Variants in OR3A3 observed in about 807,000 individuals in gnomAD.
OR3A3 encodes the protein olfactory receptor 3A3.
For synonymous variants in OR3A3, 103 were observed against 163.9 expected (o/e 0.63, Z 2.84); for missense variants, 275 against 391.4 (o/e 0.70, Z 2.51).
At chr17:3,421,498 T>C (rs754804916) in exon 3 of OR3A3, 1 of 1,542,006 alleles carries the variant, frequency 6.5e-7, no homozygotes, top group East Asian at 2.3e-5. Context: ...GGGCGCTCTG[T>C]GTCAGCTACT....
Position 3,421,692 on chromosome 17 carries a change from T to C in OR3A3, c.*159T>C, listed in dbSNP as rs941968725. On this transcript the variant is annotated 3_prime_UTR_variant, in exon 3 of 3. Coordinates refer to ENST00000641141, the Ensembl canonical transcript of OR3A3. ...AGGAAACCCTATATAATTCATTCATTTATTCATTCAACAAATATTTATTAA... is the reference window on the plus strand; with the variant it reads ...AGGAAACCCTATATAATTCATTCATCTATTCATTCAACAAATATTTATTAA... The C allele has an allele frequency of 4.4e-6, 3 of 683,690 alleles. No homozygotes were observed. In the African/African-American group the frequency reaches 5.4e-5, roughly 12 times the overall value. The allele number at this position is 683,690 out of a possible 1,614,324, so 42.4% of individuals were successfully genotyped here.
chr17:3,415,280 G>A (rs2072383584), intron 2 of OR3A3, among the ~76,000 whole-genome samples: 1 of 151,616 alleles, frequency 6.6e-6, no homozygotes, highest in African/African-American at 2.4e-5. Context: ...GAGTTTTCCA[G>A]CTGGGCTCGG....
At chr17:3,421,196 T>C in exon 3 of OR3A3, 1 of 1,614,210 alleles carries the variant, frequency 6.2e-7, no homozygotes, top group South Asian at 1.1e-5. Context: ...CTGCTCTTTG[T>C]AGCAGCAGCC....
exon 3 of OR3A3, chr17:3,421,290 G>C: frequency 6.2e-7 from 1 of 1,614,208 alleles, no homozygotes; most frequent in Non-Finnish European, 8.5e-7. Flanking sequence ...GCTCTGCTGA[G>C]GGCAGAAAGA....
In OR3A3 at chr17:3,412,010, T is replaced by G. The variant is rs1232889598; in HGVS notation, c.-168T>G. ...AGTTTCTGAGTGCCCCAGAGGAGAA[T>G]GCTGTAGTGAACACAGCCCTGTACA... On this transcript the variant is annotated 5_prime_UTR_variant, in exon 2 of 3. The change abolishes an upstream ATG in the 5' untranslated region. Coordinates refer to ENST00000641141, the Ensembl canonical transcript of OR3A3. 6.6e-6 allele frequency: 1 copy of G among 151,830 alleles called. No homozygotes were observed. Among genetic ancestry groups the G allele is most frequent in the Non-Finnish European group, 1.5e-5 (1 of 67,962 alleles). The allele number at this position is 151,830 out of a possible 1,614,324, so 9.4% of individuals were successfully genotyped here. A position where few individuals can be genotyped will look rare whatever the true frequency, so the allele number is the denominator to read the frequency against.
At chr17:3,416,013 T>C (rs1189714952) in intron 2 of OR3A3, among the ~76,000 whole-genome samples, 1 of 151,880 alleles carries the variant, frequency 6.6e-6, no homozygotes, top group Non-Finnish European at 1.5e-5. Context: ...GGTTTCACCA[T>C]GCTGGCCAGG....
At chr17:3,419,852 G>A (rs1027838199) in intron 2 of OR3A3, among the ~76,000 whole-genome samples, 3 of 149,348 alleles carry the variant, frequency 2.0e-5, no homozygotes, top group African/African-American at 7.4e-5. Flanking sequence ...TCCCGCCTCA[G>A]CCTCCCAGGT....
chr17:3,411,719 T>C (rs2072363275), intron 1 of OR3A3, among the ~76,000 whole-genome samples: 1 of 152,128 alleles, frequency 6.6e-6, no homozygotes, highest in South Asian at 2.1e-4. Context: ...AGAAAGCCCA[T>C]ATAGAGTCTC....
Position 3,417,511 on chromosome 17 carries a change from T to G in OR3A3, c.-6-3069T>G, listed in dbSNP as rs902566137. 2.2e-4 allele frequency among the ~76,000 whole-genome samples: 33 copies of G among 152,110 alleles called. 1 individual carries two copies. The highest frequency in any genetic ancestry group is 8.0e-4 in the African/African-American group (33 of 41,438). ...AAAAAAATTCAGTGCTTATTACCAG[T>G]TATTTTGTTTTCTTTTTCCTTCCTC... On this transcript the variant is annotated intron_variant, in intron 2 of 2. Coordinates refer to ENST00000641141, the Ensembl canonical transcript of OR3A3.
chr17:3,421,561 G>A, exon 3 of OR3A3: 1 of 1,514,350 alleles, frequency 6.6e-7, no homozygotes, highest in Non-Finnish European at 8.8e-7. Context: ...TGCCTTTTCT[G>A]GACCGAGGAA....
chr17:3,415,800 T>G (rs2072387647), intron 2 of OR3A3, among the ~76,000 whole-genome samples: 2 of 13,490 alleles, frequency 1.5e-4, no homozygotes, highest in Non-Finnish European at 5.2e-4. Flanking sequence ...TATTTTTAAA[T>G]TATTATTATT....
chr17:3,423,358 C>T (rs1284003285), exon 3 of OR3A3: 2 of 152,382 alleles, frequency 1.3e-5, no homozygotes, highest in Non-Finnish European at 2.9e-5. Flanking sequence ...CCCCAAAGAT[C>T]CCAGGCCCTG....
exon 3 of OR3A3, chr17:3,421,972 G>A (rs545225919): frequency 6.5e-6 from 1 of 154,630 alleles, no homozygotes; most frequent in East Asian, 1.9e-4. Context: ...TCTCGGTAGA[G>A]CTGAAATCTT....
At chr17:3,417,700 T>A (rs1007058585) in intron 2 of OR3A3, among the ~76,000 whole-genome samples, 1 of 152,212 alleles carries the variant, frequency 6.6e-6, no homozygotes, top group African/African-American at 2.4e-5. Context: ...TTTCCTTCTA[T>A]GAAGATTTTA....
exon 3 of OR3A3, chr17:3,422,065 A>C (rs931832951): frequency 2.0e-5 from 3 of 152,538 alleles, no homozygotes; most frequent in African/African-American, 7.2e-5. Context: ...ATATCACTGC[A>C]AAGTTTCCTT....
chr17:3,416,721 T>A (rs140367049), intron 2 of OR3A3, among the ~76,000 whole-genome samples: 1 of 152,230 alleles, frequency 6.6e-6, no homozygotes, highest in African/African-American at 2.4e-5. Flanking sequence ...AATAGTTGTA[T>A]ATATTTAGGG....
intron 2 of OR3A3, among the ~76,000 whole-genome samples, chr17:3,417,403 A>ATTTGGATCTAATC (rs1407856206): frequency 1.3e-5 from 2 of 152,106 alleles, no homozygotes; most frequent in African/African-American, 2.4e-5. Flanking sequence ...TCTCCTCTTA[A>ATTTGGATCTAATC]CTTTATTAGA....
At chr17:3,413,014 C>T (rs1199702839) in intron 2 of OR3A3, among the ~76,000 whole-genome samples, 4 of 152,134 alleles carry the variant, frequency 2.6e-5, no homozygotes, top group East Asian at 1.9e-4. Context: ...ATTGATAATT[C>T]GTTTCACAAA....
In OR3A3 at chr17:3,416,873, A is replaced by G. The variant is rs2072395163; in HGVS notation, c.-6-3707A>G. 2.6e-5 allele frequency among the ~76,000 whole-genome samples: 4 copies of G among 152,048 alleles called. No homozygotes were observed. In the South Asian group the frequency reaches 8.3e-4, roughly 32 times the overall value. ...CTGGCTATTTTGAAATATACAATAAATTATTGTTAACTATAGTCTCCATAC... is the reference window on the plus strand; with the variant it reads ...CTGGCTATTTTGAAATATACAATAAGTTATTGTTAACTATAGTCTCCATAC... On this transcript the variant is annotated intron_variant, in intron 2 of 2. Coordinates refer to ENST00000641141, the Ensembl canonical transcript of OR3A3.
Sources: gnomAD v4.1 joint callset for allele counts (sites outside exome capture counted in the v4.1 genomes callset) on GRCh38, gnomAD v4.1.1 for gene constraint, MANE v1.5 for transcripts, NCBI Gene and HGNC (gene_info 2026-07-23, HGNC 2026-07-21) for gene names.